Variants in GASK1B observed in about 807,000 individuals in gnomAD.
GASK1B encodes the protein Golgi-associated kinase 1B.
Under a neutral mutation model 42.8 loss-of-function variants are expected in GASK1B, and 34 were observed. The ratio of observed to expected loss-of-function variants is 0.79; its 90% CI spans 0.60 to 1.06. GASK1B has a LOEUF of 1.06. GASK1B is among the 50% of genes least tolerant of loss of function. The pLI, the probability that GASK1B is intolerant of heterozygous loss-of-function variation, is 0.00. For synonymous variants in GASK1B, 262 were observed against 259.1 expected, an observed-to-expected ratio of 1.01 and a Z score of -0.11; for missense variants, 686 against 661.0, an observed-to-expected ratio of 1.04 and a Z score of -0.42.
At position 158,170,971 on chromosome 4, in the gene GASK1B, C is replaced by A; in HGVS notation, c.405G>T (p.Val135=). 1 of 1,614,226 alleles carries A rather than the reference C, an allele frequency of 6.2e-7. No individual in the cohort carries two copies. The highest frequency in any genetic ancestry group is 8.5e-7 in the Non-Finnish European group (1 of 1,180,048). Residue 135 remains valine (V), a synonymous_variant, in exon 2 of 5, where the codon GTG becomes GTT. Coordinates refer to ENST00000585682, the MANE Select transcript of GASK1B (RefSeq NM_001128424.2). ...VKPKRRKKHA[V]ASAAPGQEAL... ...CCTCCTGCCCTGGGGCAGCCGATGCCACTGCATGCTTTTTCCTGCGCTTGG... is the reference window on the plus strand; with the variant it reads ...CCTCCTGCCCTGGGGCAGCCGATGCAACTGCATGCTTTTTCCTGCGCTTGG...
In GASK1B at chr4:158,171,014, A is replaced by G. The variant is rs775678849; in HGVS notation, c.362T>C (p.Ile121Thr). ...GCGCTTGGGCTTCACGGTGCCACGGATATTGGCCGGCTTGCTGCGCTTGGA... is the reference window on the plus strand; with the variant it reads ...GCGCTTGGGCTTCACGGTGCCACGGGTATTGGCCGGCTTGCTGCGCTTGGA... ...LRSKRSKPAN[I>T]RGTVKPKRRK... Residue 121 changes from isoleucine to threonine, a missense_variant, in exon 2 of 5, where the codon ATC becomes ACC. Coordinates refer to ENST00000585682, the MANE Select transcript of GASK1B (RefSeq NM_001128424.2). 10 of 1,613,866 alleles carry G rather than the reference A, an allele frequency of 6.2e-6. No homozygotes were observed. Among genetic ancestry groups the G allele is most frequent in the Non-Finnish European group, 7.6e-6 (9 of 1,179,908 alleles).
chr4:158,155,018 T>A (rs1002521901), intron 3 of GASK1B, among the ~76,000 whole-genome samples: 3 of 152,006 alleles, frequency 2.0e-5, no homozygotes, highest in African/African-American at 7.2e-5. Flanking sequence ...TTTAAAAAAA[T>A]TAAAATTAAA....
intron 2 of GASK1B, among the ~76,000 whole-genome samples, chr4:158,157,795 G>A (rs1355079737): frequency 6.6e-6 from 1 of 152,012 alleles, no homozygotes; most frequent in Non-Finnish European, 1.5e-5. Context: ...ATAAACAATT[G>A]AAACCTGCTG....
At chr4:158,146,935 C>T (rs1421987577) in intron 3 of GASK1B, among the ~76,000 whole-genome samples, 1 of 152,166 alleles carries the variant, frequency 6.6e-6, no homozygotes, top group Non-Finnish European at 1.5e-5. Flanking sequence ...TTTACAGACC[C>T]AGTAAAATGG....
At chr4:158,143,965 G>A (rs6834164) in intron 3 of GASK1B, among the ~76,000 whole-genome samples, 140,885 of 152,214 alleles carry the variant, frequency 0.93, 65,473 homozygotes, top group East Asian at 0.98. Context: ...CCTTGTTACT[G>A]ATATTAAAAT....
intron 4 of GASK1B, among the ~76,000 whole-genome samples, chr4:158,128,186 T>C (rs903820704): frequency 1.3e-5 from 2 of 152,216 alleles, no homozygotes; most frequent in East Asian, 1.9e-4. Context: ...AGTCATATTA[T>C]ACTCCTGGAG....
At chr4:158,131,582 T>C (rs1730685140) in intron 3 of GASK1B, among the ~76,000 whole-genome samples, 1 of 152,238 alleles carries the variant, frequency 6.6e-6, no homozygotes, top group Non-Finnish European at 1.5e-5. Context: ...AGCTAGATTC[T>C]AAACATATGA....
chr4:158,153,216 G>A (rs1731624488), intron 3 of GASK1B, among the ~76,000 whole-genome samples: 1 of 152,134 alleles, frequency 6.6e-6, no homozygotes, highest in Non-Finnish European at 1.5e-5. Context: ...CAACCAAGCT[G>A]AGAATCAAAT....
At chr4:158,159,616 A>C (rs1440678587) in intron 2 of GASK1B, 1 of 311,796 alleles carries the variant, frequency 3.2e-6, no homozygotes, top group East Asian at 9.3e-5. Flanking sequence ...ACAAGTGAAG[A>C]GATAAAATTC....
At chr4:158,129,312 C>T (rs894860678) in intron 4 of GASK1B, among the ~76,000 whole-genome samples, 4 of 152,086 alleles carry the variant, frequency 2.6e-5, no homozygotes, top group Admixed American at 6.6e-5. Context: ...GAAGACCCTG[C>T]GATATCACCT....
chr4:158,150,070 C>T (rs1403165568), intron 3 of GASK1B, among the ~76,000 whole-genome samples: 1 of 151,814 alleles, frequency 6.6e-6, no homozygotes, highest in African/African-American at 2.4e-5. Context: ...GCACCACAGG[C>T]GTCCACCACC....
intron 4 of GASK1B, among the ~76,000 whole-genome samples, chr4:158,128,029 G>A (rs1248995079): frequency 6.6e-6 from 1 of 152,118 alleles, no homozygotes; most frequent in Non-Finnish European, 1.5e-5. Context: ...AAATATGAGA[G>A]ACAAATTGAT....
chr4:158,148,402 G>A (rs1731416119), intron 3 of GASK1B, among the ~76,000 whole-genome samples: 1 of 152,136 alleles, frequency 6.6e-6, no homozygotes, highest in Non-Finnish European at 1.5e-5. Flanking sequence ...TTTGTAAAAT[G>A]CCACAACACC....
Position 158,170,498 on chromosome 4 carries a change from G to A in GASK1B, c.878C>T (p.Pro293Leu). 3 of 1,614,258 alleles carry A rather than the reference G, an allele frequency of 1.9e-6. No individual in the cohort carries two copies. Among genetic ancestry groups the A allele is most frequent in the Non-Finnish European group, 2.5e-6 (3 of 1,180,050 alleles). ...DRILGLNRTL[P>L]SVSRKAEFIQ... ...GAACTCTGCTTTCCTGCTCACAGAC[G>A]GCAGGGTCCTGTTGAGCCCCAGGAT... Residue 293 changes from proline (P) to leucine (L), a missense_variant, in exon 2 of 5, where the codon CCG (proline) becomes CTG (leucine). By Grantham distance (98) the Pro-to-Leu change is moderately conservative. Transcript: ENST00000585682.
In GASK1B at chr4:158,155,644, C is replaced by A. The variant is rs1329766396; in HGVS notation, c.1092G>T (p.Trp364Cys). Reference sequence around the variant, plus strand: ...AAAAATCAAAGAGTGCCATCTTGGACCACTCATGATGATGTATTTCAGTAC... The same window carrying A: ...AAAAATCAAAGAGTGCCATCTTGGAACACTCATGATGATGTATTTCAGTAC... The part of the protein sequence containing the change: ...SGCTEIHHHE[W>C]SKMALFDFLL... Residue 364 changes from tryptophan (W) to cysteine (C), a missense_variant, in exon 3 of 5, where the codon TGG becomes TGT. Trp to Cys is a radical substitution (Grantham distance 215). Coordinates refer to ENST00000585682, the MANE Select transcript of GASK1B (RefSeq NM_001128424.2). The A allele has an allele frequency of 1.2e-6, 2 of 1,613,730 alleles. No homozygotes were observed. Among genetic ancestry groups the A allele is most frequent in the East Asian group, 2.2e-5 (1 of 44,874 alleles).
Position 158,127,281 on chromosome 4 carries a change from C to A in GASK1B, c.*126G>T. ...CCCATTATAGCTACTTGGTTAAAGT[C>A]ATTTATTTTACGTATTCATCTACAC... On this transcript the variant is annotated 3_prime_UTR_variant, in exon 5 of 5. Transcript: ENST00000585682. 1.3e-6 allele frequency: 1 copy of A among 771,874 alleles called. No individual in the cohort carries two copies. The allele number at this position is 771,874 out of a possible 1,614,324, so 47.8% of individuals were successfully genotyped here.
intron 2 of GASK1B, chr4:158,169,074 C>T (rs999792028): frequency 6.6e-6 from 1 of 152,288 alleles, no homozygotes; most frequent in Middle Eastern, 3.4e-3. Flanking sequence ...AGGCCAATTA[C>T]TTTGTCTCAA....
chr4:158,170,627 T>A lies in GASK1B; in HGVS notation c.749A>T (p.Glu250Val), dbSNP rs775939872. The part of the protein sequence containing the change: ...SRSGARLLVL[E>V]GGAPGAVLRC... Reference sequence around the variant, plus strand: ...GAGCACAGCGCCAGGTGCGCCCCCCTCCAGCACCAGCAAACGGGCTCCGCT... The same window carrying A: ...GAGCACAGCGCCAGGTGCGCCCCCCACCAGCACCAGCAAACGGGCTCCGCT... Residue 250 changes from glutamate to valine, a missense_variant, in exon 2 of 5, where the codon GAG (glutamate) becomes GTG (valine). Physicochemically the swap from Glu to Val is moderately radical, Grantham distance 121. Coordinates refer to ENST00000585682, the MANE Select transcript of GASK1B (RefSeq NM_001128424.2). 46 of 1,613,588 alleles carry A rather than the reference T, an allele frequency of 2.9e-5. No homozygotes were observed. Among genetic ancestry groups the A allele is most frequent in the Non-Finnish European group, 3.6e-5 (42 of 1,180,038 alleles).
At chr4:158,163,227 C>T (rs1560791929) in intron 2 of GASK1B, among the ~76,000 whole-genome samples, 2 of 152,148 alleles carry the variant, frequency 1.3e-5, no homozygotes, top group African/African-American at 4.8e-5. Context: ...TCTAAAGAAG[C>T]ATATCATAAA....
Sources: gnomAD v4.1 joint callset for allele counts (sites outside exome capture counted in the v4.1 genomes callset) on GRCh38, gnomAD v4.1.1 for gene constraint, MANE v1.5 for transcripts, NCBI Gene and HGNC (gene_info 2026-07-23, HGNC 2026-07-21) for gene names.